Variants in BLK observed in about 807,000 individuals in gnomAD.
BLK encodes tyrosine-protein kinase Blk.
In BLK, 64 loss-of-function variants were observed where a neutral mutation model predicts 61.8. The ratio of observed to expected loss-of-function variants is 1.03; its 90% CI spans 0.85 to 1.27. BLK has a LOEUF of 1.27. Among genes scored for constraint, BLK ranks in the 50% most tolerant of loss-of-function variants. The probability of loss-of-function intolerance (pLI) is 0.00; values close to 1 mark genes in which losing one functional copy is unlikely to be tolerated. For synonymous variants in BLK, 351 were observed against 272.0 expected (o/e 1.29, Z -2.86); for missense variants, 853 against 660.5 (o/e 1.29, Z -3.19).
intron 1 of BLK, among the ~76,000 whole-genome samples, chr8:11,526,747 G>A (rs1039789507): frequency 1.3e-5 from 2 of 152,082 alleles, no homozygotes; most frequent in Non-Finnish European, 2.9e-5. Context: ...ATTCTGTTGT[G>A]TTCAGTGCTT....
intron 6 of BLK, chr8:11,554,226 T>G (rs1343861003): frequency 5.7e-6 from 1 of 174,142 alleles, no homozygotes; most frequent in African/African-American, 2.4e-5. Flanking sequence ...ATAACAGGTG[T>G]ATGTAACAGG....
chr8:11,509,176 C>T (rs1054968096), intron 1 of BLK: 1 of 152,186 alleles, frequency 6.6e-6, no homozygotes, highest in South Asian at 2.1e-4. Context: ...AGTTGGCAAT[C>T]CTCTCTCTCG....
At chr8:11,495,668 C>T (rs969853567) in intron 1 of BLK, among the ~76,000 whole-genome samples, 1 of 152,262 alleles carries the variant, frequency 6.6e-6, no homozygotes, top group African/African-American at 2.4e-5. Context: ...ACAGGCAAAG[C>T]GTCACAGATC....
intron 4 of BLK, among the ~76,000 whole-genome samples, chr8:11,548,804 C>T (rs190743621): frequency 6.6e-6 from 1 of 152,362 alleles, no homozygotes; most frequent in Non-Finnish European, 1.5e-5. Context: ...GCCCTCTTGG[C>T]TGGTCAGGCT....
At chr8:11,514,676 G>T (rs1425074192) in intron 1 of BLK, among the ~76,000 whole-genome samples, 2 of 152,176 alleles carry the variant, frequency 1.3e-5, no homozygotes, top group Non-Finnish European at 2.9e-5. Context: ...CCGTGAGCCT[G>T]CTTTCTGGAC....
At chr8:11,502,367 G>A (rs539542577) in intron 1 of BLK, among the ~76,000 whole-genome samples, 4 of 151,778 alleles carry the variant, frequency 2.6e-5, no homozygotes, top group Non-Finnish European at 4.4e-5. Context: ...GCAGTGGCAC[G>A]ATCTCTGGTC....
At chr8:11,550,993 C>T (rs551091197) in intron 6 of BLK, among the ~76,000 whole-genome samples, 1 of 152,168 alleles carries the variant, frequency 6.6e-6, no homozygotes, top group Non-Finnish European at 1.5e-5. Context: ...CTCACTCCCC[C>T]ACTTGGGCTC....
intron 4 of BLK, 30 bp downstream of exon 4, chr8:11,548,155 C>G (rs1173476942): frequency 2.6e-6 from 4 of 1,557,746 alleles, no homozygotes; most frequent in Middle Eastern, 2.2e-4. Context: ...TCCCCTGTCC[C>G]TGCAGGACCC....
chr8:11,548,603 T>C (rs1307894110), intron 4 of BLK, among the ~76,000 whole-genome samples: 2 of 152,346 alleles, frequency 1.3e-5, no homozygotes, highest in Admixed American at 6.5e-5. Context: ...AGGCTTGTCC[T>C]GTGGAGCTCT....
At chr8:11,521,586 T>C (rs1585349669) in intron 1 of BLK, among the ~76,000 whole-genome samples, 3 of 152,378 alleles carry the variant, frequency 2.0e-5, no homozygotes, top group Admixed American at 2.0e-4. Flanking sequence ...CCACTGTACC[T>C]GGACCATATT....
chr8:11,552,641 C>A (rs537890862), intron 6 of BLK: 1 of 152,218 alleles, frequency 6.6e-6, no homozygotes, highest in Non-Finnish European at 1.5e-5. Context: ...CCGCTCCACC[C>A]CTGTTCTTTC....
At chr8:11,523,322 G>A (rs1799526816) in intron 1 of BLK, among the ~76,000 whole-genome samples, 1 of 152,196 alleles carries the variant, frequency 6.6e-6, no homozygotes, top group Non-Finnish European at 1.5e-5. Flanking sequence ...GAGAGACCAA[G>A]GCAGGAGGAT....
rs78373572 is a variant in BLK at position 11,554,291 on chromosome 8, T to C, written c.473-452T>C. On this transcript the variant is annotated intron_variant, in intron 6 of 12. Transcript: ENST00000259089. ...GCATAGCTTATTACGGTGTCCGCCA[T>C]GGACATGGGTACTTGCAGCTGTGAA... The C allele has an allele frequency of 8.0e-3, 1,874 of 234,758 alleles. 15 individuals carry two copies. Among genetic ancestry groups the C allele is most frequent in the Non-Finnish European group, 0.013 (1,485 of 118,766 alleles). The allele number at this position is 234,758 out of a possible 1,614,324, so 14.5% of individuals were successfully genotyped here.
At chr8:11,537,387 T>C (rs958195862) in intron 1 of BLK, among the ~76,000 whole-genome samples, 6 of 152,182 alleles carry the variant, frequency 3.9e-5, no homozygotes, top group African/African-American at 1.4e-4. Flanking sequence ...TAGGTACCCC[T>C]GTTCTACCTG....
intron 9 of BLK, chr8:11,557,751 T>C (rs996029929): frequency 1.3e-5 from 7 of 547,228 alleles, no homozygotes; most frequent in East Asian, 7.0e-5. Flanking sequence ...TGCTGGTATA[T>C]TGGCTGCCTC....
At chr8:11,544,034 C>G (rs1800510190) in intron 2 of BLK, among the ~76,000 whole-genome samples, 1 of 151,134 alleles carries the variant, frequency 6.6e-6, no homozygotes, top group South Asian at 2.1e-4. Flanking sequence ...GGGACCTTGG[C>G]TCACTGCAAC....
At chr8:11,542,529 C>G (rs957861426) in intron 1 of BLK, among the ~76,000 whole-genome samples, 1 of 152,152 alleles carries the variant, frequency 6.6e-6, no homozygotes, top group Non-Finnish European at 1.5e-5. Context: ...ATAGCAGCCC[C>G]TGGAATGAGG....
At chr8:11,524,379 T>A (rs1799567870) in intron 1 of BLK, among the ~76,000 whole-genome samples, 1 of 152,186 alleles carries the variant, frequency 6.6e-6, no homozygotes, top group South Asian at 2.1e-4. Context: ...TAGATGAGAA[T>A]TTTCTAATTT....
At position 11,554,752 on chromosome 8, in the gene BLK, C is replaced by G. The variant is rs779573209; in HGVS notation, c.482C>G (p.Ser161Cys). 6.2e-7 allele frequency: 1 copy of G among 1,613,702 alleles called. No homozygotes were observed. Among genetic ancestry groups the G allele is most frequent in the Non-Finnish European group, 8.5e-7 (1 of 1,180,028 alleles). The change falls in exon 7 of 13, where the codon TCC becomes TGC. Residue 161 changes from serine (S) to cysteine (C), a missense_variant. By Grantham distance (112) the Ser-to-Cys change is moderately radical. Transcript: ENST00000259089. ...RESETNKGAF[S>C]LSVKDVTTQG... is the part of the protein sequence containing the mutation. ...TTCATGAACCCTCCAGGTGCCTTCT[C>G]CCTGTCTGTGAAGGATGTCACCACC...
Sources: gnomAD v4.1 joint callset for allele counts (sites outside exome capture counted in the v4.1 genomes callset) on GRCh38, gnomAD v4.1.1 for gene constraint, MANE v1.5 for transcripts, NCBI Gene and HGNC (gene_info 2026-07-23, HGNC 2026-07-21) for gene names.